Variants in C9 observed in about 807,000 individuals in gnomAD.
C9 encodes the protein complement C9.
Under a neutral mutation model 65.4 loss-of-function variants are expected in C9, and 63 were observed. The ratio of observed to expected loss-of-function variants is 0.96; its 90% CI spans 0.79 to 1.19. The LOEUF (loss-of-function observed/expected upper bound fraction) is 1.19, where lower values mean the gene tolerates loss of function less well. Among genes scored for constraint, C9 ranks in the 50% most tolerant of loss-of-function variants. The pLI is 0.00. For missense variants in C9, 744 were observed against 670.1 expected (o/e 1.11, Z -1.22); for synonymous variants, 229 against 227.9 (o/e 1.00, Z -0.04).
intron 9 of C9, among the ~76,000 whole-genome samples, chr5:39,302,286 C>A (rs1753299813): frequency 6.6e-6 from 1 of 152,050 alleles, no homozygotes; most frequent in African/African-American, 2.4e-5. Flanking sequence ...TTCTCCTATA[C>A]TACATAACTC....
At chr5:39,350,411 A>G (rs1018989305) in intron 1 of C9, among the ~76,000 whole-genome samples, 1 of 152,172 alleles carries the variant, frequency 6.6e-6, no homozygotes, top group Non-Finnish European at 1.5e-5. Flanking sequence ...AAACACAGTG[A>G]TGCCTTCCCA....
Position 39,302,913 on chromosome 5 carries a change from G to A in C9, c.1416+3704C>T, listed in dbSNP as rs187113227. Among the ~76,000 whole-genome samples the A allele has an allele frequency of 5.1e-3, 779 of 152,172 alleles. 6 individuals carry two copies. The highest frequency in any genetic ancestry group is 4.8e-3 in the Non-Finnish European group (327 of 67,996). On this transcript the variant is annotated intron_variant, in intron 9 of 10. Transcript: ENST00000263408. ...AAGAGAAACAAAATGAGATTAAAGAGTAATATTTCTTATGAGTCTCATAAA... is the reference window on the plus strand; with the variant it reads ...AAGAGAAACAAAATGAGATTAAAGAATAATATTTCTTATGAGTCTCATAAA...
At chr5:39,353,298 G>C (rs1037018947) in intron 1 of C9, among the ~76,000 whole-genome samples, 3 of 152,188 alleles carry the variant, frequency 2.0e-5, no homozygotes, top group Admixed American at 2.0e-4. Flanking sequence ...TAATAAATTT[G>C]TGTTTTAAGC....
chr5:39,341,466 C>CA, intron 3 of C9, 90 bp downstream of exon 3: 1 of 1,521,218 alleles, frequency 6.6e-7, no homozygotes, highest in Non-Finnish European at 9.1e-7. Flanking sequence ...CTTGGAAATC[C>CA]AAGTGTCCAG....
chr5:39,344,817 A>G (rs1429367210), intron 1 of C9, among the ~76,000 whole-genome samples: 4 of 152,222 alleles, frequency 2.6e-5, no homozygotes, highest in Non-Finnish European at 5.9e-5. Context: ...GACTAACAGC[A>G]GATCTCTCGG....
chr5:39,324,545 G>A (rs1753717492), intron 5 of C9, among the ~76,000 whole-genome samples: 1 of 152,208 alleles, frequency 6.6e-6, no homozygotes, highest in African/African-American at 2.4e-5. Flanking sequence ...CAATTAGGAT[G>A]TTGTTGAATG....
intron 1 of C9, among the ~76,000 whole-genome samples, chr5:39,347,947 T>C (rs1754242017): frequency 7.0e-6 from 1 of 143,284 alleles, no homozygotes; most frequent in Admixed American, 7.1e-5. Flanking sequence ...TAAATGGTGC[T>C]GGGAAAACTG....
rs1426292478 is a variant in C9, at chr5:39,284,319, A to G, written c.*880T>C. 1 of 152,028 alleles carries G rather than the reference A, an allele frequency of 6.6e-6. No individual in the cohort carries two copies. Among genetic ancestry groups the G allele is most frequent in the Non-Finnish European group, 1.5e-5 (1 of 68,008 alleles). The allele number at this position is 152,028 out of a possible 1,614,324, so 9.4% of individuals were successfully genotyped here. A position where few individuals can be genotyped will look rare whatever the true frequency, so the allele number is the denominator to read the frequency against. ...TCTCAGACCTTTCAAAAGGTCTCAG[A>G]CCCTAAGCACCATGTTCTCTAATGA... On this transcript the variant is annotated 3_prime_UTR_variant, in exon 11 of 11. Transcript: ENST00000263408.
At chr5:39,300,928 G>A (rs1753266131) in intron 9 of C9, among the ~76,000 whole-genome samples, 1 of 151,954 alleles carries the variant, frequency 6.6e-6, no homozygotes. Context: ...AATGATGAGA[G>A]TTAATATTTT....
chr5:39,340,931 A>G (rs1162726872), intron 4 of C9: 17 of 618,502 alleles, frequency 2.7e-5, no homozygotes, highest in South Asian at 2.6e-4. Flanking sequence ...TCCACTCTAC[A>G]GACCCCTACT....
chr5:39,341,830 A>G (rs1754092456), intron 2 of C9, 130 bp from the exon 3 acceptor site: 2 of 895,054 alleles, frequency 2.2e-6, no homozygotes, highest in African/African-American at 3.3e-5. Context: ...GGAAGAAGTC[A>G]CTGATGTTAT....
intron 9 of C9, among the ~76,000 whole-genome samples, chr5:39,291,486 A>G (rs1202124028): frequency 3.3e-5 from 5 of 151,868 alleles, no homozygotes; most frequent in African/African-American, 1.2e-4. Context: ...AGGAGAACAA[A>G]GGACAGAATA....
In C9 at chr5:39,341,720, A is replaced by G; in HGVS notation, c.184-20T>C. On this transcript the variant is annotated intron_variant, in intron 2 of 10. Transcript: ENST00000263408. ...ACGAAACTGCACAATATCAGTTGGA[A>G]TGATTAGAATTTCTAATGCCAAAAA... 3.1e-6 allele frequency: 5 copies of G among 1,613,200 alleles called. No homozygotes were observed. Among genetic ancestry groups the G allele is most frequent in the Non-Finnish European group, 4.2e-6 (5 of 1,179,152 alleles).
chr5:39,343,050 C>G (rs1754119270), intron 1 of C9, among the ~76,000 whole-genome samples: 1 of 152,148 alleles, frequency 6.6e-6, no homozygotes, highest in Admixed American at 6.5e-5. Flanking sequence ...TCTTAAACCA[C>G]AGAAAAGGCT....
chr5:39,299,248 C>A (rs552615942), intron 9 of C9, among the ~76,000 whole-genome samples: 1 of 152,120 alleles, frequency 6.6e-6, no homozygotes, highest in African/African-American at 2.4e-5. Context: ...AATGCAACTA[C>A]TTTGGAAAAA....
intron 6 of C9, among the ~76,000 whole-genome samples, chr5:39,312,836 T>C (rs1753509408): frequency 6.6e-6 from 1 of 152,226 alleles, no homozygotes; most frequent in African/African-American, 2.4e-5. Flanking sequence ...AAACTGTCTG[T>C]CTTCTTAAAG....
At position 39,288,755 on chromosome 5, in the gene C9, G is replaced by A. The variant is rs1476811294; in HGVS notation, c.1613C>T (p.Ala538Val). The change falls in exon 10 of 11, where the codon GCC (alanine) becomes GTC (valine). Residue 538 changes from alanine (A) to valine (V), a missense_variant. Physicochemically the swap from Ala to Val is moderately conservative, Grantham distance 64. Coordinates refer to ENST00000263408, the MANE Select transcript of C9 (RefSeq NM_001737.5). Reference protein sequence around the residue: ...CACPFKFEGIACEISKQKISE... With the variant: ...CACPFKFEGIVCEISKQKISE... ...AATTTTTTGTTTACTGATTTCACAG[G>A]CAATTCCCTCAAATTTGAATGGGCA... 6.2e-7 allele frequency: 1 copy of A among 1,611,032 alleles called. No homozygotes were observed. The highest frequency in any genetic ancestry group is 1.3e-5 in the African/African-American group (1 of 74,840).
At chr5:39,356,641 T>C (rs1754417471) in intron 1 of C9, among the ~76,000 whole-genome samples, 1 of 152,242 alleles carries the variant, frequency 6.6e-6, no homozygotes, top group Admixed American at 6.5e-5. Flanking sequence ...GGAAGCACAG[T>C]GAAGGCAGAA....
At chr5:39,314,126 T>C (rs1473633852) in intron 6 of C9, among the ~76,000 whole-genome samples, 1 of 152,100 alleles carries the variant, frequency 6.6e-6, no homozygotes, top group Non-Finnish European at 1.5e-5. Flanking sequence ...TCATTTAAAA[T>C]ATAATAGAGA....
Sources: gnomAD v4.1 joint callset for allele counts (sites outside exome capture counted in the v4.1 genomes callset) on GRCh38, gnomAD v4.1.1 for gene constraint, MANE v1.5 for transcripts, NCBI Gene and HGNC (gene_info 2026-07-23, HGNC 2026-07-21) for gene names.